ARL10: variants seen among roughly 807,000 people sequenced by gnomAD.
ARL10 encodes the protein ADP-ribosylation factor-like protein 10.
In ARL10, 23 loss-of-function variants were observed where a neutral mutation model predicts 26.1. The observed-to-expected ratio is 0.88, with a 90% CI of 0.63 to 1.25. The LOEUF (loss-of-function observed/expected upper bound fraction) is 1.25, where lower values mean the gene tolerates loss of function less well. Among genes scored for constraint, ARL10 ranks in the 50% most tolerant of loss-of-function variants. The pLI is 0.00. For missense variants in ARL10, 300 were observed against 323.6 expected (o/e 0.93, Z 0.56); for synonymous variants, 138 against 149.1 (o/e 0.93, Z 0.54).
In ARL10 at chr5:176,381,510, C is replaced by G. The variant is rs992923580; in HGVS notation, c.*9615C>G. The G allele has an allele frequency of 6.6e-6, 1 of 152,188 alleles. No individual in the cohort carries two copies. The highest frequency in any genetic ancestry group is 1.5e-5 in the Non-Finnish European group (1 of 68,042). The allele number at this position is 152,188 out of a possible 1,614,324, so 9.4% of individuals were successfully genotyped here. On this transcript the variant is annotated 3_prime_UTR_variant, in exon 4 of 4. Transcript: ENST00000310389. ...GTGCTCAGGACCAAAAGCGATGGTT[C>G]AGAATGTGTGCAGGCTATATTTATA...
chr5:176,401,222 C>G (rs1339802382), intron 1 of ARL10, among the ~76,000 whole-genome samples: 1 of 152,248 alleles, frequency 6.6e-6, no homozygotes, highest in Non-Finnish European at 1.5e-5. Context: ...ACCTACCGAG[C>G]CTTCCATCTG....
downstream of ARL10, chr5:176,385,212 G>A (rs760374715): frequency 4.5e-6 from 7 of 1,553,024 alleles, no homozygotes; most frequent in Non-Finnish European, 6.2e-6. Context: ...CGGGGCCTGA[G>A]CCGCTCACCT....
downstream of ARL10, chr5:176,384,870 G>T: frequency 2.0e-6 from 1 of 495,486 alleles, no homozygotes; most frequent in Non-Finnish European, 3.6e-6. Context: ...TCCTACTTGG[G>T]CCCAGGGGTC....
chr5:176,396,912 T>C (rs763398768), intron 1 of ARL10, among the ~76,000 whole-genome samples: 11 of 152,052 alleles, frequency 7.2e-5, no homozygotes, highest in Non-Finnish European at 1.3e-4. Flanking sequence ...TCACATTTTT[T>C]TCTTCGTACC....
At chr5:176,407,777 G>A in the ARL10 span, among the ~76,000 whole-genome samples, 1 of 152,132 alleles carries the variant, frequency 6.6e-6, no homozygotes, top group Non-Finnish European at 1.5e-5. Context: ...TGACTCCCTC[G>A]GGCCCAACTA....
the ARL10 span, among the ~76,000 whole-genome samples, chr5:176,412,064 C>T: frequency 4.9e-4 from 74 of 151,576 alleles, no homozygotes; most frequent in East Asian, 4.3e-3. Flanking sequence ...TAGTCCCAGC[C>T]ACTCGGGAGG....
chr5:176,371,242 GCTCA>G (rs1430328754), intron 3 of ARL10, among the ~76,000 whole-genome samples: 17 of 152,310 alleles, frequency 1.1e-4, no homozygotes, highest in South Asian at 2.1e-4. Flanking sequence ...AGGCGTGGTG[GCTCA>G]CACCTGTAGT....
At chr5:176,401,635 G>A (rs1001048582) in intron 1 of ARL10, 2 of 434,904 alleles carry the variant, frequency 4.6e-6, no homozygotes, top group Admixed American at 4.9e-5. Context: ...AGGTCTATCA[G>A]AAAGGGCAGT....
chr5:176,386,511 A>G, downstream of ARL10: 1 of 394,112 alleles, frequency 2.5e-6, no homozygotes, highest in South Asian at 2.2e-5. Context: ...GAGATGGTGG[A>G]ATCCCTAAAA....
the ARL10 span, chr5:176,410,148 A>G: frequency 2.1e-6 from 2 of 959,508 alleles, no homozygotes; most frequent in Non-Finnish European, 3.2e-6. Context: ...AATGCATCAG[A>G]CATAATGAAC....
At chr5:176,370,023 G>C (rs1400468857) in intron 3 of ARL10, among the ~76,000 whole-genome samples, 1 of 151,704 alleles carries the variant, frequency 6.6e-6, no homozygotes, top group Admixed American at 6.6e-5. Flanking sequence ...TTTCCACTCT[G>C]CTATGCCCTT....
At chr5:176,411,385 T>C in the ARL10 span, among the ~76,000 whole-genome samples, 8 of 152,294 alleles carry the variant, frequency 5.3e-5, no homozygotes, top group African/African-American at 9.6e-5. Context: ...CAGTGGCCTA[T>C]AGCGCCTACT....
Position 176,372,898 on chromosome 5 carries a change from G to A in ARL10, c.*1003G>A. 5.0e-6 allele frequency: 2 copies of A among 398,686 alleles called. No homozygotes were observed. Among genetic ancestry groups the A allele is most frequent in the Non-Finnish European group, 8.8e-6 (2 of 226,068 alleles). 24.7% of individuals were successfully genotyped at this position (398,686 alleles called of 1,614,324 possible). ...CAGTCATAGAAAATTTGGAACTTAG[G>A]AAAATAGCTGGAATCATGAATGACA... On this transcript the variant is annotated 3_prime_UTR_variant, in exon 4 of 4. Coordinates refer to ENST00000310389, the MANE Select transcript of ARL10 (RefSeq NM_173664.6).
Position 176,378,732 on chromosome 5 carries a change from G to C in ARL10, c.*6837G>C, listed in dbSNP as rs1755469906. ...AAAGAATAATTTCAAATGGGGGCCG[G>C]GCGCTGTGGCTCACGCCGGGCGTGG... On this transcript the variant is annotated 3_prime_UTR_variant, in exon 4 of 4. Coordinates refer to ENST00000310389, the MANE Select transcript of ARL10 (RefSeq NM_173664.6). 2 of 152,102 alleles carry C rather than the reference G, an allele frequency of 1.3e-5. No individual in the cohort carries two copies. The highest frequency in any genetic ancestry group is 1.3e-4 in the Admixed American group (2 of 15,260). The allele number at this position is 152,102 out of a possible 1,614,324, so 9.4% of individuals were successfully genotyped here.
intron 3 of ARL10, among the ~76,000 whole-genome samples, chr5:176,370,321 T>C (rs1768493032): frequency 6.6e-6 from 1 of 151,922 alleles, no homozygotes; most frequent in South Asian, 2.1e-4. Context: ...TGCCAGAGAG[T>C]CGCCTTGGGC....
chr5:176,395,857 G>T (rs1230429880), intron 1 of ARL10, among the ~76,000 whole-genome samples: 1 of 152,036 alleles, frequency 6.6e-6, no homozygotes, highest in Non-Finnish European at 1.5e-5. Flanking sequence ...CCCTTCAGCT[G>T]GGTGTGGTGG....
At chr5:176,391,962 C>T (rs867445520), downstream of ARL10, among the ~76,000 whole-genome samples, 36 of 152,212 alleles carry the variant, frequency 2.4e-4, no homozygotes, top group African/African-American at 8.2e-4. Flanking sequence ...TCATGAACGT[C>T]CTGTTTGCAA....
chr5:176,389,408 A>T, downstream of ARL10: 1 of 1,614,154 alleles, frequency 6.2e-7, no homozygotes. Flanking sequence ...CTCTCAGCTC[A>T]TGATGCGCAC....
rs1768302145 is a variant in ARL10, at chr5:176,366,382, C to CGAGGAGGAG, written c.191_192insGGAGGAGGA (p.Glu63_Asp64insGluGluGlu). 6.2e-7 allele frequency: 1 copy of CGAGGAGGAG among 1,607,214 alleles called. No individual in the cohort carries two copies. Among genetic ancestry groups the CGAGGAGGAG allele is most frequent in the Middle Eastern group, 2.2e-4 (1 of 4,614 alleles). ...ACCTTACCTCCGCTTCCCCGCAGCCCGAGGACGAGGAGGACGAGGAGCCGG... is the reference window on the plus strand; with the variant it reads ...ACCTTACCTCCGCTTCCCCGCAGCCCGAGGAGGAGGAGGACGAGGAGGACGAGGAGCCGG... On this transcript the variant is annotated inframe_insertion, in exon 2 of 4. Coordinates refer to ENST00000310389, the MANE Select transcript of ARL10 (RefSeq NM_173664.6).
Sources: gnomAD v4.1 joint callset for allele counts (sites outside exome capture counted in the v4.1 genomes callset) on GRCh38, gnomAD v4.1.1 for gene constraint, MANE v1.5 for transcripts, NCBI Gene and HGNC (gene_info 2026-07-23, HGNC 2026-07-21) for gene names.